CFAP61: variants seen among roughly 807,000 people sequenced by gnomAD.
The protein encoded by CFAP61 is cilia and flagella associated protein 61.
Under a neutral mutation model 135.6 loss-of-function variants are expected in CFAP61, and 107 were observed. That is an observed-to-expected ratio of 0.79 (90% CI 0.67 to 0.93). The LOEUF (loss-of-function observed/expected upper bound fraction) is 0.93. Among genes scored for constraint, CFAP61 ranks in the 40% least tolerant of loss-of-function variants. The pLI is 0.00. For missense variants in CFAP61, 1,507 were observed against 1,556.2 expected (o/e 0.97, Z 0.53); for synonymous variants, 575 against 578.5 (o/e 0.99, Z 0.09).
chr20:20,274,532 G>A (rs147302649), intron 21 of CFAP61, among the ~76,000 whole-genome samples: 3,953 of 152,042 alleles, frequency 0.026, 192 homozygotes, highest in African/African-American at 0.091. Flanking sequence ...ATAGTGGTGC[G>A]GGCCTGTAAT....
chr20:20,301,670 A>C (rs772176392), intron 25 of CFAP61, among the ~76,000 whole-genome samples: 2 of 152,200 alleles, frequency 1.3e-5, no homozygotes, highest in Non-Finnish European at 2.9e-5. Context: ...TTTCTGTGAA[A>C]TGCCAATTCA....
chr20:20,117,934 T>G (rs2049275266), intron 8 of CFAP61, among the ~76,000 whole-genome samples: 1 of 152,216 alleles, frequency 6.6e-6, no homozygotes. Context: ...TGTATTTTAG[T>G]TTTGTATCCT....
chr20:20,191,273 G>A, intron 14 of CFAP61, 69 bp from the exon 15 acceptor site: 5 of 1,326,056 alleles, frequency 3.8e-6, no homozygotes, highest in South Asian at 3.6e-5. Context: ...AAGACCCACT[G>A]TTGCCTGCTT....
At chr20:20,228,819 C>G (rs565283932) in intron 18 of CFAP61, among the ~76,000 whole-genome samples, 1 of 152,316 alleles carries the variant, frequency 6.6e-6, no homozygotes, top group East Asian at 1.9e-4. Flanking sequence ...CAAAAACCAC[C>G]TGCAGCATTT....
At position 20,187,915 on chromosome 20, in the gene CFAP61, C is replaced by T; in HGVS notation, c.1386-15C>T. 1 of 1,606,246 alleles carries T rather than the reference C, an allele frequency of 6.2e-7. No homozygotes were observed. The highest frequency in any genetic ancestry group is 8.5e-7 in the Non-Finnish European group (1 of 1,173,592). The stretch of plus-strand genomic sequence containing the variant: ...TAGTACTTTAACTTAAAAATATATT[C>T]CTCTCCTTACCCAGGTCCATTAATA... On this transcript the variant is annotated splice_polypyrimidine_tract_variant and intron_variant, in intron 13 of 26. Coordinates refer to ENST00000245957, the MANE Select transcript of CFAP61 (RefSeq NM_015585.4).
At chr20:20,168,826 C>T (rs1176027700) in intron 12 of CFAP61, among the ~76,000 whole-genome samples, 3 of 152,114 alleles carry the variant, frequency 2.0e-5, no homozygotes, top group Non-Finnish European at 4.4e-5. Context: ...ACTGGGATCA[C>T]GTCATGATAA....
intron 21 of CFAP61, 99 bp from the exon 22 acceptor site, chr20:20,277,067 A>G: frequency 1.1e-6 from 1 of 933,898 alleles, no homozygotes; most frequent in Non-Finnish European, 1.6e-6. Context: ...CAGCTGAAAA[A>G]TGAGAGGGTT....
chr20:20,168,939 A>T (rs1210930732), intron 12 of CFAP61, among the ~76,000 whole-genome samples: 7 of 152,222 alleles, frequency 4.6e-5, no homozygotes, highest in African/African-American at 1.4e-4. Context: ...CACTGGTGTA[A>T]GGTCACTTAG....
At chr20:20,207,112 C>G (rs1274207323) in intron 17 of CFAP61, among the ~76,000 whole-genome samples, 1 of 152,208 alleles carries the variant, frequency 6.6e-6, no homozygotes, top group African/African-American at 2.4e-5. Context: ...CCTCTGTTAG[C>G]TTTCCTGCTT....
chr20:20,258,873 G>A (rs1227353476), intron 20 of CFAP61, among the ~76,000 whole-genome samples: 1 of 152,192 alleles, frequency 6.6e-6, no homozygotes, highest in African/African-American at 2.4e-5. Flanking sequence ...TTAGAGAACC[G>A]AGGGTGCTGT....
chr20:20,059,753 G>GA (rs2044659662), intron 2 of CFAP61, among the ~76,000 whole-genome samples: 1 of 152,138 alleles, frequency 6.6e-6, no homozygotes, highest in South Asian at 2.1e-4. Flanking sequence ...ATCCTTCATA[G>GA]ACACAGTTGA....
At chr20:20,195,497 C>T (rs1053458694) in intron 15 of CFAP61, among the ~76,000 whole-genome samples, 1 of 152,156 alleles carries the variant, frequency 6.6e-6, no homozygotes, top group African/African-American at 2.4e-5. Context: ...TGACAGCATA[C>T]ACTGCTGGGA....
At chr20:20,089,809 A>T (rs1192772337) in intron 6 of CFAP61, among the ~76,000 whole-genome samples, 2 of 152,172 alleles carry the variant, frequency 1.3e-5, no homozygotes, top group Non-Finnish European at 2.9e-5. Context: ...GAGGGTCCTG[A>T]GAATGGAAGC....
intron 2 of CFAP61, among the ~76,000 whole-genome samples, chr20:20,063,775 A>G (rs2045006079): frequency 6.6e-6 from 1 of 152,210 alleles, no homozygotes; most frequent in Non-Finnish European, 1.5e-5. Context: ...TTTGCAGGTA[A>G]TATATTCTCT....
intron 25 of CFAP61, among the ~76,000 whole-genome samples, chr20:20,306,678 A>AT (rs1292432107): frequency 1.3e-5 from 2 of 152,166 alleles, no homozygotes; most frequent in Non-Finnish European, 2.9e-5. Flanking sequence ...CTCCACCAGG[A>AT]TTCCCCCCAC....
intron 13 of CFAP61, among the ~76,000 whole-genome samples, chr20:20,183,116 G>A (rs1569084064): frequency 6.6e-6 from 1 of 151,842 alleles, no homozygotes; most frequent in East Asian, 1.9e-4. Context: ...AAGGTCACAT[G>A]TGGAATAAGA....
At chr20:20,358,073 C>CTG (rs1345493435) in intron 26 of CFAP61, among the ~76,000 whole-genome samples, 3 of 133,338 alleles carry the variant, frequency 2.2e-5, no homozygotes, top group African/African-American at 8.9e-5. Flanking sequence ...GGTGGTCACA[C>CTG]TGAGGGGAGG....
At chr20:20,139,182 T>G (rs1048178670) in intron 8 of CFAP61, among the ~76,000 whole-genome samples, 2 of 152,226 alleles carry the variant, frequency 1.3e-5, no homozygotes, top group African/African-American at 4.8e-5. Context: ...TTATTCCTAT[T>G]AGATAAAGAG....
intron 25 of CFAP61, among the ~76,000 whole-genome samples, chr20:20,325,301 C>T (rs1045695599): frequency 1.3e-5 from 2 of 152,206 alleles, no homozygotes; most frequent in East Asian, 1.9e-4. Flanking sequence ...TTAGTGTTGA[C>T]AAATGTATAC....
Sources: gnomAD v4.1 joint callset for allele counts (sites outside exome capture counted in the v4.1 genomes callset) on GRCh38, gnomAD v4.1.1 for gene constraint, MANE v1.5 for transcripts, NCBI Gene and HGNC (gene_info 2026-07-23, HGNC 2026-07-21) for gene names.